NMNAT1: variants seen among roughly 807,000 people sequenced by gnomAD.
The protein encoded by NMNAT1 is nicotinamide/nicotinic acid mononucleotide adenylyltransferase 1.
Under a neutral mutation model 16.7 loss-of-function variants are expected in NMNAT1, and 11 were observed. That is an observed-to-expected ratio of 0.66 (90% CI 0.41 to 1.09). The LOEUF is 1.09. Ranked by LOEUF, NMNAT1 falls within the 50% of genes least tolerant of loss-of-function variation. The pLI is 0.00. For missense variants in NMNAT1, 280 were observed against 332.3 expected (o/e 0.84, Z 1.22); for synonymous variants, 110 against 119.8 (o/e 0.92, Z 0.53).
chr1:9,975,747 G>GAAA lies in NMNAT1; in HGVS notation c.272_273insAAA (p.Glu91_Trp92insLys). Reference sequence around the variant, plus strand: ...TGATACATGGGAAAGTCTTCAGAAGGAGTGGAAAGAGACTCTGAAGGTGCT... The same window carrying GAAA: ...TGATACATGGGAAAGTCTTCAGAAGGAAAAGTGGAAAGAGACTCTGAAGGTGCT... On this transcript the variant is annotated inframe_insertion, in exon 3 of 5. Transcript: ENST00000377205. 6.2e-7 allele frequency: 1 copy of GAAA among 1,613,686 alleles called. No individual in the cohort carries two copies.
chr1:9,943,229 G>A (rs1640856329), upstream of NMNAT1: 1 of 160,668 alleles, frequency 6.2e-6, no homozygotes, highest in Non-Finnish European at 1.4e-5. Flanking sequence ...CATGGTCCCC[G>A]AAACTCCTTC....
At chr1:9,994,220 C>T in the NMNAT1 span, among the ~76,000 whole-genome samples, 1 of 147,972 alleles carries the variant, frequency 6.8e-6, no homozygotes, top group Non-Finnish European at 1.5e-5. Context: ...AAGTGATTCT[C>T]CTGCCTCAGC....
rs565243514 is a variant in NMNAT1, at chr1:9,980,899, G to A, written c.300-132G>A. 1.4e-4 allele frequency: 120 copies of A among 854,582 alleles called. No homozygotes were observed. In the African/African-American group the frequency reaches 1.6e-3, roughly 11 times the overall value. 52.9% of individuals were successfully genotyped at this position (854,582 alleles called of 1,614,324 possible). ...TCTCGATCTTCTGACCTCGTGATCC[G>A]CCCACCTCGGCCTCCCAAAGTGCTG... On this transcript the variant is annotated intron_variant, in intron 3 of 4. Coordinates refer to ENST00000377205, the MANE Select transcript of NMNAT1 (RefSeq NM_022787.4).
intron 3 of NMNAT1, among the ~76,000 whole-genome samples, chr1:9,977,743 A>T (rs1172759237): frequency 6.6e-6 from 1 of 152,000 alleles, no homozygotes; most frequent in Admixed American, 6.6e-5. Flanking sequence ...CTGTAATCCC[A>T]GCTACTAGGG....
intron 1 of NMNAT1, among the ~76,000 whole-genome samples, chr1:9,966,579 C>T (rs938710542): frequency 3.3e-5 from 5 of 151,332 alleles, no homozygotes; most frequent in African/African-American, 9.7e-5. Flanking sequence ...TGCCACTGCA[C>T]TCCAGCCTGA....
chr1:9,990,284 T>C (rs1225452279), downstream of NMNAT1, among the ~76,000 whole-genome samples: 4 of 152,070 alleles, frequency 2.6e-5, no homozygotes, highest in Non-Finnish European at 5.9e-5. Flanking sequence ...CCCGGGTTCT[T>C]TCCATCCCTC....
chr1:9,964,474 G>A (rs1641496307), intron 1 of NMNAT1, among the ~76,000 whole-genome samples: 1 of 151,730 alleles, frequency 6.6e-6, no homozygotes, highest in Non-Finnish European at 1.5e-5. Flanking sequence ...GGAGATCGTG[G>A]CTGCAGTGAG....
intron 1 of NMNAT1, among the ~76,000 whole-genome samples, chr1:9,946,713 T>A (rs893598604): frequency 6.6e-6 from 1 of 152,116 alleles, no homozygotes; most frequent in Non-Finnish European, 1.5e-5. Flanking sequence ...TAATTAAGGT[T>A]AAATGAGGTC....
intron 1 of NMNAT1, among the ~76,000 whole-genome samples, chr1:9,944,237 G>T (rs1640908408): frequency 6.6e-6 from 1 of 151,914 alleles, no homozygotes; most frequent in African/African-American, 2.4e-5. Flanking sequence ...CGGGGCGACA[G>T]TTCGAGACTC....
chr1:9,965,176 G>A (rs1641513733), intron 1 of NMNAT1, among the ~76,000 whole-genome samples: 1 of 150,496 alleles, frequency 6.6e-6, no homozygotes, highest in Admixed American at 6.6e-5. Flanking sequence ...AATTAGCTGG[G>A]TGTGGTGGCG....
intron 1 of NMNAT1, among the ~76,000 whole-genome samples, chr1:9,948,651 ATTT>A (rs748173364): frequency 6.9e-6 from 1 of 144,202 alleles, no homozygotes. Context: ...ATACTTCAGA[ATTT>A]TTTTTTTTTT....
At chr1:9,996,279 C>A in the NMNAT1 span, among the ~76,000 whole-genome samples, 1 of 147,186 alleles carries the variant, frequency 6.8e-6, no homozygotes, top group Non-Finnish European at 1.5e-5. Flanking sequence ...CCACTGCACT[C>A]CAGCCTGGGC....
chr1:9,961,045 G>A (rs981850821), intron 1 of NMNAT1, among the ~76,000 whole-genome samples: 1 of 152,204 alleles, frequency 6.6e-6, no homozygotes, highest in African/African-American at 2.4e-5. Context: ...AGAGTCTGGT[G>A]TGAGCTCGAG....
downstream of NMNAT1, among the ~76,000 whole-genome samples, chr1:9,986,193 C>T (rs527848993): frequency 6.6e-6 from 1 of 152,284 alleles, no homozygotes; most frequent in African/African-American, 2.4e-5. Context: ...GATAACCTGA[C>T]AATTACATTG....
intron 1 of NMNAT1, among the ~76,000 whole-genome samples, chr1:9,949,274 AAAAAG>A (rs1331279615): frequency 6.6e-6 from 1 of 151,806 alleles, no homozygotes; most frequent in Non-Finnish European, 1.5e-5. Flanking sequence ...CTCAAAAAAA[AAAAAG>A]AGAAAGACAA....
Position 9,981,147 on chromosome 1 carries a change from A to T in NMNAT1, c.416A>T (p.Lys139Ile). The change falls in exon 4 of 5, where the codon AAA (lysine) becomes ATA (isoleucine). Residue 139 changes from lysine to isoleucine, a missense_variant. Lys to Ile is a moderately radical substitution (Grantham distance 102). Coordinates refer to ENST00000377205, the MANE Select transcript of NMNAT1 (RefSeq NM_022787.4). Reference sequence around the variant, plus strand: ...GAAACACAAGATTCTAGTCAAAAGAAATCCCTAGAGCCAAAAACAAAAGGT... The same window carrying T: ...GAAACACAAGATTCTAGTCAAAAGATATCCCTAGAGCCAAAAACAAAAGGT... ...WTETQDSSQK[K>I]SLEPKTKAVP... 6.2e-7 allele frequency: 1 copy of T among 1,613,074 alleles called. No homozygotes were observed. Among genetic ancestry groups the T allele is most frequent in the African/African-American group, 1.3e-5 (1 of 74,966 alleles).
intron 1 of NMNAT1, among the ~76,000 whole-genome samples, chr1:9,962,848 A>G (rs1457863115): frequency 6.6e-6 from 1 of 151,764 alleles, no homozygotes; most frequent in Non-Finnish European, 1.5e-5. Flanking sequence ...CACCCGGCTA[A>G]TTTTTTGTAT....
Position 9,976,155 on chromosome 1 carries a change from C to T in NMNAT1, c.299+380C>T, listed in dbSNP as rs774353672. Among the ~76,000 whole-genome samples the T allele has an allele frequency of 7.2e-5, 11 of 152,016 alleles. No individual in the cohort carries two copies. In the South Asian group the frequency reaches 1.9e-3, roughly 26 times the overall value. ...TACAAAAATTAGCCGGGCATGGTGG[C>T]GCATGCCTGTAATCCCAGCTACTTG... On this transcript the variant is annotated intron_variant, in intron 3 of 4. Coordinates refer to ENST00000377205, the MANE Select transcript of NMNAT1 (RefSeq NM_022787.4).
In NMNAT1 at chr1:9,951,809, C is replaced by T. The variant is rs150884537; in HGVS notation, c.-57+8294C>T. Among the ~76,000 whole-genome samples the T allele has an allele frequency of 1.3e-3, 205 of 152,192 alleles. 3 individuals carry two copies. In the Middle Eastern group the frequency reaches 0.031, roughly 23 times the overall value. Reference sequence around the variant, plus strand: ...GTTGATTAATATCTTAACTACTTTTCGAAGCTCTAGTAAAGTAGAATTCAC... The same window carrying T: ...GTTGATTAATATCTTAACTACTTTTTGAAGCTCTAGTAAAGTAGAATTCAC... On this transcript the variant is annotated intron_variant, in intron 1 of 4. Coordinates refer to ENST00000377205, the MANE Select transcript of NMNAT1 (RefSeq NM_022787.4).
Sources: gnomAD v4.1 joint callset for allele counts (sites outside exome capture counted in the v4.1 genomes callset) on GRCh38, gnomAD v4.1.1 for gene constraint, MANE v1.5 for transcripts, NCBI Gene and HGNC (gene_info 2026-07-23, HGNC 2026-07-21) for gene names.